PCNT: variants seen among roughly 807,000 people sequenced by gnomAD.
The protein encoded by PCNT is kendrin.
A neutral mutation model predicts 380.4 loss-of-function variants in PCNT; 319 were observed. The observed-to-expected ratio is 0.84, with a 90% CI of 0.77 to 0.92. The LOEUF is 0.92. Among genes scored for constraint, PCNT ranks in the 40% least tolerant of loss-of-function variants. The pLI is 0.00. For missense variants in PCNT, 4,400 were observed against 4,255.3 expected (o/e 1.03, Z -0.95); for synonymous variants, 1,845 against 1,735.2 (o/e 1.06, Z -1.57).
chr21:46,345,100 T>C (rs1468533276), intron 3 of PCNT, among the ~76,000 whole-genome samples: 1 of 152,226 alleles, frequency 6.6e-6, no homozygotes, highest in Non-Finnish European at 1.5e-5. Context: ...TTTATGCACA[T>C]TTTCTCTCTG....
At chr21:46,372,261 C>T (rs2085173874) in intron 15 of PCNT, among the ~76,000 whole-genome samples, 1 of 151,804 alleles carries the variant, frequency 6.6e-6, no homozygotes, top group South Asian at 2.1e-4. Context: ...AGCACATGTG[C>T]ACGTGTAGCA....
intron 2 of PCNT, among the ~76,000 whole-genome samples, chr21:46,330,467 A>G (rs1480882716): frequency 1.3e-5 from 2 of 152,216 alleles, no homozygotes; most frequent in African/African-American, 4.8e-5. Context: ...TAGTATGTGT[A>G]GAATAGAGCC....
intron 27 of PCNT, among the ~76,000 whole-genome samples, chr21:46,406,455 T>A (rs1469790134): frequency 6.6e-6 from 1 of 152,266 alleles, no homozygotes; most frequent in Admixed American, 6.5e-5. Flanking sequence ...CACATACACC[T>A]TTTGTATGTT....
At chr21:46,393,039 G>C (rs1007296735) in intron 21 of PCNT, among the ~76,000 whole-genome samples, 5 of 152,164 alleles carry the variant, frequency 3.3e-5, no homozygotes, top group African/African-American at 1.2e-4. Context: ...TTGGGCCCTT[G>C]CTCGGGGGTG....
At chr21:46,325,219 C>G (rs2276258) in intron 1 of PCNT, 840,353 of 984,716 alleles carry the variant, frequency 0.85, 359,617 homozygotes, top group African/African-American at 0.89. Flanking sequence ...AGGTGCGCGC[C>G]GCTCCCCCCC....
At chr21:46,334,835 A>G in intron 3 of PCNT, 67 bp downstream of exon 3, 1 of 1,611,102 alleles carries the variant, frequency 6.2e-7, no homozygotes. Context: ...GTAGAAATCC[A>G]AACCAGTGAG....
At chr21:46,347,928 G>T (rs1040156670) in intron 6 of PCNT, among the ~76,000 whole-genome samples, 3 of 152,180 alleles carry the variant, frequency 2.0e-5, no homozygotes, top group Non-Finnish European at 4.4e-5. Context: ...CCTGCTGTGG[G>T]TGGCCTCACT....
chr21:46,393,987 G>A lies in PCNT; in HGVS notation c.4216+2611G>A, dbSNP rs182777818. On this transcript the variant is annotated intron_variant, in intron 21 of 46. Transcript: ENST00000359568. Reference sequence around the variant, plus strand: ...TCTCATGGAGCCCTTTCGCAGGCTCGGGCCAACTTTGTCACTGGGAAATTC... The same window carrying A: ...TCTCATGGAGCCCTTTCGCAGGCTCAGGCCAACTTTGTCACTGGGAAATTC... Among the ~76,000 whole-genome samples the A allele has an allele frequency of 3.1e-3, 466 of 152,290 alleles. 3 individuals are homozygous for A. The highest frequency in any genetic ancestry group is 3.3e-3 in the Non-Finnish European group (226 of 68,018).
At chr21:46,336,889 C>CG (rs1315081671) in intron 3 of PCNT, among the ~76,000 whole-genome samples, 3 of 151,994 alleles carry the variant, frequency 2.0e-5, no homozygotes, top group Non-Finnish European at 4.4e-5. Flanking sequence ...GCCCTCCCCC[C>CG]CAGGTTTATT....
chr21:46,333,062 G>A lies in PCNT; in HGVS notation c.268-1335G>A, dbSNP rs867060519. 3.3e-5 allele frequency among the ~76,000 whole-genome samples: 5 copies of A among 152,296 alleles called. No individual in the cohort carries two copies. The South Asian group carries it at 1.0e-3, about 32-fold the overall frequency. On this transcript the variant is annotated intron_variant, in intron 2 of 46. Transcript: ENST00000359568. ...CAGGAGGTTAAGGTTGCAGTGAGCT[G>A]GGATTGCACCACTGCACGCCAGCCT...
In PCNT at chr21:46,340,192, A is replaced by G. The variant is rs2083873148; in HGVS notation, c.639+5424A>G. On this transcript the variant is annotated intron_variant, in intron 3 of 46. Transcript: ENST00000359568. ...CAGAGGAACTCCTCTTTATAAAACCATCGGATCTAGTGAGACTTATTCACT... is the reference window on the plus strand; with the variant it reads ...CAGAGGAACTCCTCTTTATAAAACCGTCGGATCTAGTGAGACTTATTCACT... Among the ~76,000 whole-genome samples, 6 of 152,174 alleles carry G rather than the reference A, an allele frequency of 3.9e-5. 1 individual carries two copies. The South Asian group carries it at 1.0e-3, about 26-fold the overall frequency.
chr21:46,361,246 G>A (rs1344277050), intron 13 of PCNT, among the ~76,000 whole-genome samples: 1 of 152,106 alleles, frequency 6.6e-6, no homozygotes, highest in African/African-American at 2.4e-5. Flanking sequence ...AAAAAATTAG[G>A]CGAGTATGGT....
intron 43 of PCNT, among the ~76,000 whole-genome samples, chr21:46,442,223 T>C (rs2053625619): frequency 6.6e-6 from 1 of 152,038 alleles, no homozygotes; most frequent in African/African-American, 2.4e-5. Context: ...GGTGGGTGTC[T>C]AGGGGACCAT....
At chr21:46,328,586 G>C (rs186512246) in intron 2 of PCNT, among the ~76,000 whole-genome samples, 82 of 152,048 alleles carry the variant, frequency 5.4e-4, no homozygotes, top group African/African-American at 2.0e-3. Context: ...TCAGCCTCCC[G>C]TGTAGCTGGG....
At chr21:46,435,602 G>A (rs1418764215) in intron 38 of PCNT, among the ~76,000 whole-genome samples, 1 of 151,732 alleles carries the variant, frequency 6.6e-6, no homozygotes, top group Non-Finnish European at 1.5e-5. Flanking sequence ...AAGTGCAGTG[G>A]CGCAATCTCG....
chr21:46,357,230 G>A (rs371105804), intron 13 of PCNT, 39 bp downstream of exon 13: 42 of 1,390,382 alleles, frequency 3.0e-5, no homozygotes, highest in Non-Finnish European at 3.4e-5. Context: ...TCCCGCCCGA[G>A]TCCTTGCTCT....
At position 46,430,340 on chromosome 21, in the gene PCNT, C is replaced by T. The variant is rs1326175984; in HGVS notation, c.7913+108C>T. ...CCTCTGGTGGGCCGCAGTTGGGCAG[C>T]CCCAGGGGCACCGCGCCCTGCTGTC... On this transcript the variant is annotated intron_variant, in intron 36 of 46. Transcript: ENST00000359568. 8 of 1,382,638 alleles carry T rather than the reference C, an allele frequency of 5.8e-6. No individual in the cohort carries two copies. In the East Asian group the frequency reaches 2.0e-4, roughly 34 times the overall value. The allele number at this position is 1,382,638 out of a possible 1,614,324, so 85.6% of individuals were successfully genotyped here.
intron 44 of PCNT, 109 bp from the exon 45 acceptor site, chr21:46,443,701 A>C (rs2053672139): frequency 5.7e-6 from 6 of 1,060,440 alleles, no homozygotes; most frequent in Non-Finnish European, 8.8e-6. Flanking sequence ...TAAAATTGCC[A>C]TACAGGCTCT....
chr21:46,399,880 C>A, intron 25 of PCNT, 84 bp downstream of exon 25: 1 of 1,192,202 alleles, frequency 8.4e-7, no homozygotes, highest in Non-Finnish European at 1.3e-6. Flanking sequence ...AGGGAGTGGG[C>A]AGGGCGTCCT....
Sources: allele counts gnomAD v4.1 joint callset (sites outside exome capture counted in the v4.1 genomes callset), GRCh38; gene constraint gnomAD v4.1.1; transcripts MANE v1.5; gene names NCBI Gene and HGNC (gene_info 2026-07-23, HGNC 2026-07-21).